The following NSUN3 variants were observed in gnomAD, a reference collection of about 807,000 sequenced individuals.
NSUN3 encodes the protein tRNA (cytosine(34)-C(5))-methyltransferase, mitochondrial.
In NSUN3, 24 loss-of-function variants were observed where a neutral mutation model predicts 36.8. That is an observed-to-expected ratio of 0.65 (90% CI 0.47 to 0.92). The LOEUF (loss-of-function observed/expected upper bound fraction) is 0.92. NSUN3 is among the 40% of genes least tolerant of loss of function. The probability of loss-of-function intolerance (pLI) is 0.00; values close to 1 mark genes in which losing one functional copy is unlikely to be tolerated. For missense variants in NSUN3, 381 were observed against 392.8 expected (o/e 0.97, Z 0.25); for synonymous variants, 146 against 145.2 (o/e 1.01, Z -0.04).
chr3:94,119,861 C>A (rs578191879), intron 5 of NSUN3, among the ~76,000 whole-genome samples: 1 of 152,206 alleles, frequency 6.6e-6, no homozygotes, highest in African/African-American at 2.4e-5. Flanking sequence ...TTGAGATTAA[C>A]CCAATTTGTT....
intron 5 of NSUN3, among the ~76,000 whole-genome samples, chr3:94,108,132 G>C (rs60980719): frequency 6.6e-6 from 1 of 151,716 alleles, no homozygotes. Flanking sequence ...AAAAATGTAA[G>C]AATAGTACAA....
chr3:94,093,996 TAAG>T (rs1300663846), intron 3 of NSUN3, 141 bp from the exon 4 acceptor site: 7 of 628,282 alleles, frequency 1.1e-5, no homozygotes, highest in Non-Finnish European at 1.9e-5. Flanking sequence ...TTTTAAAGCA[TAAG>T]AAAATAATAA....
intron 5 of NSUN3, among the ~76,000 whole-genome samples, chr3:94,117,861 T>A (rs1340690758): frequency 6.6e-6 from 1 of 152,232 alleles, no homozygotes; most frequent in African/African-American, 2.4e-5. Flanking sequence ...TGATCAGCAC[T>A]TTTATAGGAG....
At chr3:94,078,738 A>G (rs1339364207) in intron 2 of NSUN3, among the ~76,000 whole-genome samples, 1 of 152,122 alleles carries the variant, frequency 6.6e-6, no homozygotes, top group African/African-American at 2.4e-5. Flanking sequence ...CTGTTTTATC[A>G]GAGATTAGGA....
chr3:94,076,211 T>A (rs1204329875), intron 2 of NSUN3: 6 of 914,936 alleles, frequency 6.6e-6, no homozygotes, highest in Non-Finnish European at 1.1e-5. Flanking sequence ...GTGAGGTGAC[T>A]ACTGAACCTG....
In NSUN3 at chr3:94,126,523, A is replaced by T; in HGVS notation, c.*33A>T. 3 of 1,564,028 alleles carry T rather than the reference A, an allele frequency of 1.9e-6. No individual in the cohort carries two copies. The highest frequency in any genetic ancestry group is 2.6e-6 in the Non-Finnish European group (3 of 1,147,930). On this transcript the variant is annotated 3_prime_UTR_variant, in exon 6 of 6. Transcript: ENST00000314622. ...TTGTAAACTGTGTTTATGTGTTATT[A>T]TATTTATATTTCTGAACTCAGTACA...
chr3:94,117,764 C>A (rs576984776), intron 5 of NSUN3, among the ~76,000 whole-genome samples: 15 of 152,162 alleles, frequency 9.9e-5, no homozygotes, highest in African/African-American at 3.6e-4. Flanking sequence ...GTATTATATG[C>A]TATAAAATTA....
chr3:94,110,759 C>A (rs1225482224), intron 5 of NSUN3, among the ~76,000 whole-genome samples: 22 of 151,866 alleles, frequency 1.4e-4, no homozygotes, highest in Non-Finnish European at 2.9e-5. Flanking sequence ...CACACACACA[C>A]ACACACACGC....
intron 2 of NSUN3, among the ~76,000 whole-genome samples, chr3:94,080,193 T>C (rs1327606775): frequency 6.6e-6 from 1 of 152,070 alleles, no homozygotes; most frequent in African/African-American, 2.4e-5. Flanking sequence ...TCTGCTGGAG[T>C]TTGCTGGAGG....
In NSUN3 at chr3:94,110,491, G is replaced by C. The variant is rs1286617750; in HGVS notation, c.743+15337G>C. 3.9e-5 allele frequency among the ~76,000 whole-genome samples: 6 copies of C among 152,016 alleles called. No homozygotes were observed. In the South Asian group the frequency reaches 1.2e-3, roughly 32 times the overall value. ...CACACAGAGAGCATTCCTGAGCAGA[G>C]CTGTGTTCTTCCATCTCAGCATCCA... On this transcript the variant is annotated intron_variant, in intron 5 of 5. Coordinates refer to ENST00000314622, the MANE Select transcript of NSUN3 (RefSeq NM_022072.5).
Position 94,129,150 on chromosome 3 carries a change from G to A in NSUN3, c.*2660G>A, listed in dbSNP as rs2107278724. ...ATTTGAGCTAGCAATCCCATTAGTG[G>A]GTATATACCCACAGGAAAATAAATT... On this transcript the variant is annotated 3_prime_UTR_variant, in exon 6 of 6. Coordinates refer to ENST00000314622, the MANE Select transcript of NSUN3 (RefSeq NM_022072.5). Among the ~76,000 whole-genome samples, 1 of 152,048 alleles carries A rather than the reference G, an allele frequency of 6.6e-6. No individual in the cohort carries two copies. The highest frequency in any genetic ancestry group is 1.9e-4 in the East Asian group (1 of 5,170).
Position 94,124,406 on chromosome 3 carries a change from C to T in NSUN3, c.744-1805C>T, listed in dbSNP as rs113372077. ...TCTCCCAAAGTGCTAGGATTACAGG[C>T]GTGAGCCACCGCACCTGCCTAGAAG... On this transcript the variant is annotated intron_variant, in intron 5 of 5. Transcript: ENST00000314622. Among the ~76,000 whole-genome samples, 490 of 152,082 alleles carry T rather than the reference C, an allele frequency of 3.2e-3. 1 individual carries two copies. Among genetic ancestry groups the T allele is most frequent in the Middle Eastern group, 0.02 (6 of 294 alleles).
At chr3:94,083,122 T>C (rs1334665551) in intron 2 of NSUN3, among the ~76,000 whole-genome samples, 2 of 150,860 alleles carry the variant, frequency 1.3e-5, no homozygotes, top group South Asian at 2.1e-4. Context: ...TTTTTTTTTT[T>C]CCAAGATGTA....
intron 2 of NSUN3, among the ~76,000 whole-genome samples, chr3:94,073,839 G>A (rs1355380452): frequency 1.1e-4 from 16 of 152,162 alleles, no homozygotes; most frequent in South Asian, 2.1e-4. Context: ...TTTTGCTGCC[G>A]TTGCTTTTGG....
At chr3:94,093,847 G>T (rs1407906827) in intron 3 of NSUN3, among the ~76,000 whole-genome samples, 1 of 152,162 alleles carries the variant, frequency 6.6e-6, no homozygotes, top group Admixed American at 6.5e-5. Context: ...TTTTTTATAG[G>T]TTTTACCTCT....
chr3:94,105,554 C>T lies in NSUN3; in HGVS notation c.743+10400C>T, dbSNP rs536916473. On this transcript the variant is annotated intron_variant, in intron 5 of 5. Transcript: ENST00000314622. Reference sequence around the variant, plus strand: ...TCCAAAGATTTATTTAGGACATTGGCGTTCAAACTCTGCTCTGTAAAGATG... The same window carrying T: ...TCCAAAGATTTATTTAGGACATTGGTGTTCAAACTCTGCTCTGTAAAGATG... Among the ~76,000 whole-genome samples, 7 of 152,080 alleles carry T rather than the reference C, an allele frequency of 4.6e-5. No homozygotes were observed. The East Asian group carries it at 9.7e-4, about 21-fold the overall frequency.
chr3:94,067,247 C>T (rs1220245779), intron 2 of NSUN3, among the ~76,000 whole-genome samples: 4 of 152,152 alleles, frequency 2.6e-5, no homozygotes, highest in Non-Finnish European at 4.4e-5. Context: ...AAGTTGACCT[C>T]GTTGATGATT....
intron 2 of NSUN3, among the ~76,000 whole-genome samples, chr3:94,083,385 T>C (rs924272692): frequency 3.3e-5 from 5 of 152,198 alleles, no homozygotes; most frequent in Admixed American, 1.3e-4. Flanking sequence ...GGGCCCCAGA[T>C]ACAGAATATT....
chr3:94,103,909 G>T (rs2107262400), intron 5 of NSUN3, among the ~76,000 whole-genome samples: 1 of 151,962 alleles, frequency 6.6e-6, no homozygotes, highest in African/African-American at 2.4e-5. Flanking sequence ...TTTCCAGGGG[G>T]ATACTCCTAA....
Sources: allele counts gnomAD v4.1 joint callset (sites outside exome capture counted in the v4.1 genomes callset), GRCh38; gene constraint gnomAD v4.1.1; transcripts MANE v1.5; gene names NCBI Gene and HGNC (gene_info 2026-07-23, HGNC 2026-07-21).